Variants in NOTCH2 observed in about 807,000 individuals in gnomAD.
The protein encoded by NOTCH2 is neurogenic locus notch homolog protein 2.
NOTCH2 carries 29 observed loss-of-function variants against 235.8 expected under a neutral mutation model. The ratio of observed to expected loss-of-function variants is 0.12; its 90% confidence interval spans 0.09 to 0.17. The LOEUF (loss-of-function observed/expected upper bound fraction) is 0.17, where lower values mean the gene tolerates loss of function less well. NOTCH2 is among the 10% of genes least tolerant of loss of function. NOTCH2 has a pLI of 1.00. For missense variants in NOTCH2, 2,285 were observed against 3,150.2 expected (o/e 0.73, Z 6.57); for synonymous variants, 1,086 against 1,141.5 (o/e 0.95, Z 0.98).
In NOTCH2 at chr1:119,923,804, G is replaced by C. The variant is rs774541297; in HGVS notation, c.4692C>G (p.Ser1564Arg). 4.3e-5 allele frequency: 70 copies of C among 1,614,064 alleles called. No individual in the cohort carries two copies. The highest frequency in any genetic ancestry group is 5.7e-5 in the Non-Finnish European group (67 of 1,180,042). Residue 1564 changes from serine to arginine, a missense_variant, in exon 26 of 34, where the codon AGC becomes AGG. By Grantham distance (110) the Ser-to-Arg change is moderately radical (BLOSUM62 -1). This residue lies in a region of NOTCH2 where 1,173 missense variants were observed against 1,515.3 expected (regional missense o/e 0.77). Coordinates refer to ENST00000256646, the MANE Select transcript of NOTCH2 (RefSeq NM_024408.4). Reference protein sequence around the residue: ...PPEQLLQDARSFLRALGTLLH... With the variant: ...PPEQLLQDARRFLRALGTLLH... ...GCAGGGTACCCAGTGCCCGCAAGAA[G>C]CTGCGAGCATCCTGGAGCAGTTGTT... is the stretch of plus-strand genomic sequence containing the variant.
At chr1:119,988,862 T>C (rs587689516) in intron 4 of NOTCH2, among the ~76,000 whole-genome samples, 11 of 152,304 alleles carry the variant, frequency 7.2e-5, no homozygotes, top group African/African-American at 2.4e-4. Flanking sequence ...AGCTCAACTA[T>C]AAGGAATAGA....
intron 7 of NOTCH2, 28 bp downstream of exon 7, chr1:119,968,049 C>T (rs1553199917): frequency 6.2e-7 from 1 of 1,613,704 alleles, no homozygotes; most frequent in African/African-American, 1.3e-5. Flanking sequence ...AGACACTTCA[C>T]AGAACAGAAA....
chr1:120,011,037 T>A (rs782187293), intron 2 of NOTCH2, among the ~76,000 whole-genome samples: 2 of 152,174 alleles, frequency 1.3e-5, no homozygotes, highest in Admixed American at 6.5e-5. Flanking sequence ...ATTATATAAT[T>A]CCATTTATAT....
At chr1:119,970,603 G>T (rs190286378) in intron 5 of NOTCH2, among the ~76,000 whole-genome samples, 1 of 152,334 alleles carries the variant, frequency 6.6e-6, no homozygotes, top group African/African-American at 2.4e-5. Flanking sequence ...CTAGGTTGCA[G>T]GTCACCACTA....
chr1:119,979,072 A>G (rs1474583097), intron 5 of NOTCH2, among the ~76,000 whole-genome samples: 1 of 152,216 alleles, frequency 6.6e-6, no homozygotes, highest in African/African-American at 2.4e-5. Flanking sequence ...TCTACAAAGA[A>G]ATAAAAAATA....
chr1:119,971,637 T>C (rs1553200381), intron 5 of NOTCH2, among the ~76,000 whole-genome samples: 1 of 152,118 alleles, frequency 6.6e-6, no homozygotes, highest in African/African-American at 2.4e-5. Context: ...CTGCAGGCAC[T>C]ACTTGGGAGG....
In NOTCH2 at chr1:119,968,216, C is replaced by T. The variant is rs1651220127; in HGVS notation, c.1125G>A (p.Leu375=). 6.2e-7 allele frequency: 1 copy of T among 1,613,864 alleles called. No individual in the cohort carries two copies. Among genetic ancestry groups the T allele is most frequent in the Non-Finnish European group, 8.5e-7 (1 of 1,179,910 alleles). The change falls in exon 7 of 34, where the codon CTG becomes CTA. Residue 375 remains leucine (L), a synonymous_variant. Coordinates refer to ENST00000256646, the MANE Select transcript of NOTCH2 (RefSeq NM_024408.4). ...AAGGATTGCTGATGCATGCATCATC[C>T]AGATGACACAGGAGACCTGTCACAG... ...PEGKAGLLCH[L]DDACISNPCH... is the part of the protein sequence containing the mutation.
chr1:120,025,285 A>C (rs2101310849), intron 2 of NOTCH2, among the ~76,000 whole-genome samples: 1 of 151,448 alleles, frequency 6.6e-6, no homozygotes, highest in Middle Eastern at 3.4e-3. Flanking sequence ...TGGACGGCTG[A>C]AAAGACTGAG....
rs1649294762 is a variant in NOTCH2, at chr1:119,921,883, C to T, written c.5214-74G>A. On this transcript the variant is annotated intron_variant, in intron 28 of 33. Coordinates refer to ENST00000256646, the MANE Select transcript of NOTCH2 (RefSeq NM_024408.4). Reference sequence around the variant, plus strand: ...TACAGTGGTTTTCAACACTTTCCACCATGACACACTCCCGTGGCTATATTA... The same window carrying T: ...TACAGTGGTTTTCAACACTTTCCACTATGACACACTCCCGTGGCTATATTA... 3.3e-6 allele frequency: 4 copies of T among 1,221,018 alleles called. No homozygotes were observed. In the East Asian group the frequency reaches 9.3e-5, roughly 29 times the overall value. The allele number at this position is 1,221,018 out of a possible 1,614,324, so 75.6% of individuals were successfully genotyped here.
intron 5 of NOTCH2, among the ~76,000 whole-genome samples, chr1:119,973,862 T>C (rs1439977765): frequency 6.6e-6 from 1 of 152,140 alleles, no homozygotes; most frequent in Non-Finnish European, 1.5e-5. Flanking sequence ...CTTAAACATA[T>C]TAAAATAACT....
At chr1:120,007,075 T>C (rs1449047751) in intron 2 of NOTCH2, among the ~76,000 whole-genome samples, 11 of 152,192 alleles carry the variant, frequency 7.2e-5, no homozygotes, top group African/African-American at 2.7e-4. Flanking sequence ...CAGAGCTGCA[T>C]AAGATAAGCA....
chr1:119,936,851 C>G (rs924807158), intron 21 of NOTCH2, among the ~76,000 whole-genome samples: 1 of 150,470 alleles, frequency 6.6e-6, no homozygotes, highest in African/African-American at 2.5e-5. Context: ...ACAGGATGAG[C>G]AACATTTTTT....
At chr1:119,921,189 G>T (rs1022513493) in intron 29 of NOTCH2, among the ~76,000 whole-genome samples, 1 of 152,156 alleles carries the variant, frequency 6.6e-6, no homozygotes, top group Non-Finnish European at 1.5e-5. Flanking sequence ...GTGGATGGAT[G>T]GTCTGCTTTT....
intron 1 of NOTCH2, among the ~76,000 whole-genome samples, chr1:120,040,383 G>GT (rs1654497149): frequency 6.9e-6 from 1 of 144,754 alleles, no homozygotes; most frequent in Admixed American, 7.0e-5. Context: ...ACTGAGAATT[G>GT]TCTAAACCCA....
intron 5 of NOTCH2, 32 bp from the exon 6 acceptor site, chr1:119,969,776 T>C (rs1651289404): frequency 3.2e-6 from 5 of 1,587,216 alleles, no homozygotes; most frequent in Admixed American, 1.7e-5. Context: ...TGATTAGGGC[T>C]CTTGAGTCTC....
chr1:119,959,061 C>T (rs183165883), intron 12 of NOTCH2, among the ~76,000 whole-genome samples: 320 of 152,194 alleles, frequency 2.1e-3, no homozygotes, highest in Admixed American at 6.5e-3. Context: ...TATGTCTTTA[C>T]GGAAGGCCTT....
rs1553196503 is a variant in NOTCH2, at chr1:119,941,768, A to G, written c.2753-14T>C. On this transcript the variant is annotated splice_polypyrimidine_tract_variant and intron_variant, in intron 17 of 33. Coordinates refer to ENST00000256646, the MANE Select transcript of NOTCH2 (RefSeq NM_024408.4). ...TCTGGCAAGGATCTAAGCCATTACA[A>G]AAGAATTAGACCTCTGAAGAGTAGC... 6.3e-7 allele frequency: 1 copy of G among 1,575,474 alleles called. No homozygotes were observed. The highest frequency in any genetic ancestry group is 2.2e-5 in the East Asian group (1 of 44,720).
At chr1:120,014,303 AC>A (rs1653333741) in intron 2 of NOTCH2, among the ~76,000 whole-genome samples, 1 of 152,120 alleles carries the variant, frequency 6.6e-6, no homozygotes, top group Non-Finnish European at 1.5e-5. Context: ...AGTGGCTCAC[AC>A]CTGTAATCCC....
At position 119,916,572 on chromosome 1, in the gene NOTCH2, A is replaced by G. The variant is rs764208739; in HGVS notation, c.6150T>C (p.Ala2050=). The G allele has an allele frequency of 1.2e-6, 2 of 1,614,156 alleles. No homozygotes were observed. Among genetic ancestry groups the G allele is most frequent in the Non-Finnish European group, 1.7e-6 (2 of 1,180,034 alleles). ...CAATGTCATGGTGCATGCGATCCCG[A>G]GCCACATCCCGGGGAAGACGATCCA... ...DHMDRLPRDV[A]RDRMHHDIVR... Residue 2050 remains alanine (A), a synonymous_variant, in exon 34 of 34, where the codon GCT becomes GCC. Transcript: ENST00000256646.
Sources: allele counts gnomAD v4.1 joint callset (sites outside exome capture counted in the v4.1 genomes callset), GRCh38; gene constraint gnomAD v4.1.1; regional missense constraint gnomAD v4.1.1; transcripts MANE v1.5; gene names NCBI Gene and HGNC (gene_info 2026-07-23, HGNC 2026-07-21).